The following ZEB1 variants were observed in gnomAD, a reference collection of about 807,000 sequenced individuals.
ZEB1 encodes zinc finger E-box-binding homeobox 1.
ZEB1 carries 21 observed loss-of-function variants against 84.9 expected under a neutral mutation model. The observed-to-expected ratio is 0.25, with a 90% CI of 0.18 to 0.36. The LOEUF is 0.36. ZEB1 is among the 10% of genes least tolerant of loss of function. The pLI, the probability that ZEB1 is intolerant of heterozygous loss-of-function variation, is 1.00. For missense variants in ZEB1, 1,104 were observed against 1,330.2 expected (o/e 0.83, Z 2.65); for synonymous variants, 420 against 471.1 (o/e 0.89, Z 1.41).
At chr10:31,369,490 C>CAT (rs1419370687) in intron 1 of ZEB1, among the ~76,000 whole-genome samples, 1 of 152,190 alleles carries the variant, frequency 6.6e-6, no homozygotes, top group African/African-American at 2.4e-5. Context: ...TTTCACTTAG[C>CAT]ATAATATCCT....
At chr10:31,356,352 G>GTGTATA (rs141826838) in intron 1 of ZEB1, among the ~76,000 whole-genome samples, 5 of 146,974 alleles carry the variant, frequency 3.4e-5, no homozygotes, top group African/African-American at 1.2e-4. Flanking sequence ...TATATGATGT[G>GTGTATA]TATATATATA....
chr10:31,360,921 T>A, intron 1 of ZEB1: 1 of 1,536,362 alleles, frequency 6.5e-7, no homozygotes, highest in Non-Finnish European at 8.9e-7. Flanking sequence ...ATGGATGCTC[T>A]AATAAATTGC....
chr10:31,464,277 C>T (rs551253668), intron 2 of ZEB1, among the ~76,000 whole-genome samples: 15 of 151,920 alleles, frequency 9.9e-5, no homozygotes, highest in Middle Eastern at 3.4e-3. Flanking sequence ...GGCGTGAACC[C>T]GGGAGGCAGA....
At chr10:31,369,113 T>C (rs2045191627) in intron 1 of ZEB1, among the ~76,000 whole-genome samples, 1 of 152,214 alleles carries the variant, frequency 6.6e-6, no homozygotes, top group Non-Finnish European at 1.5e-5. Flanking sequence ...CCAATCATAA[T>C]TGCATACATT....
At chr10:31,387,659 G>A (rs2048868392) in intron 1 of ZEB1, 2 of 734,016 alleles carry the variant, frequency 2.7e-6, no homozygotes, top group South Asian at 6.1e-5. Context: ...AGTTGATAGA[G>A]CCAGCTGTGA....
At chr10:31,526,348 G>A (rs977789486) in intron 8 of ZEB1, among the ~76,000 whole-genome samples, 2 of 152,120 alleles carry the variant, frequency 1.3e-5, no homozygotes, top group Non-Finnish European at 2.9e-5. Flanking sequence ...CACTGTGCTC[G>A]TTCACTACCA....
chr10:31,337,357 TA>T (rs1000256817), intron 1 of ZEB1, among the ~76,000 whole-genome samples: 7 of 150,946 alleles, frequency 4.6e-5, no homozygotes, highest in Admixed American at 1.3e-4. Context: ...AATGTGTGTT[TA>T]AAAAAAAACG....
intron 2 of ZEB1, among the ~76,000 whole-genome samples, chr10:31,484,195 C>G (rs779962027): frequency 3.9e-5 from 6 of 151,952 alleles, no homozygotes; most frequent in Non-Finnish European, 8.8e-5. Context: ...ACCTTGAGGT[C>G]CATAATTTTA....
At position 31,431,665 on chromosome 10, in the gene ZEB1, T is replaced by A. The variant is rs138382074; in HGVS notation, c.59-29372T>A. On this transcript the variant is annotated intron_variant, in intron 1 of 8. Coordinates refer to ENST00000424869, the MANE Select transcript of ZEB1 (RefSeq NM_001174096.2). ...GAAAATAAAATCCTCTGAACCTAGGTGCTACTAATTCACTCAAGATAAATT... is the reference window on the plus strand; with the variant it reads ...GAAAATAAAATCCTCTGAACCTAGGAGCTACTAATTCACTCAAGATAAATT... Among the ~76,000 whole-genome samples, 233 of 152,280 alleles carry A rather than the reference T, an allele frequency of 1.5e-3. 4 individuals carry two copies. In the East Asian group the frequency reaches 0.042, roughly 27 times the overall value.
At chr10:31,501,126 A>C (rs1362985181) in intron 3 of ZEB1, among the ~76,000 whole-genome samples, 1 of 152,146 alleles carries the variant, frequency 6.6e-6, no homozygotes, top group Admixed American at 6.5e-5. Context: ...ATTTGGCCAA[A>C]CTTCAGCCTG....
intron 1 of ZEB1, among the ~76,000 whole-genome samples, chr10:31,408,808 A>G (rs548104220): frequency 1.3e-5 from 2 of 150,382 alleles, no homozygotes; most frequent in East Asian, 3.9e-4. Flanking sequence ...GAAAACCTAG[A>G]CATTACCATT....
intron 1 of ZEB1, among the ~76,000 whole-genome samples, chr10:31,414,732 G>T (rs1243223377): frequency 6.6e-6 from 1 of 152,070 alleles, no homozygotes; most frequent in African/African-American, 2.4e-5. Context: ...GCATCATAGT[G>T]GACACTTCAT....
chr10:31,449,314 G>T (rs1391074872), intron 1 of ZEB1, among the ~76,000 whole-genome samples: 3 of 152,354 alleles, frequency 2.0e-5, no homozygotes, highest in Admixed American at 6.5e-5. Context: ...CTACTGTCTG[G>T]CACTCCCTAG....
intron 1 of ZEB1, among the ~76,000 whole-genome samples, chr10:31,395,018 A>C (rs147423399): frequency 3.9e-5 from 6 of 152,146 alleles, no homozygotes; most frequent in African/African-American, 7.2e-5. Context: ...ATTAAGTCCA[A>C]ATACTGGAGA....
At chr10:31,500,117 A>G (rs1217027249) in intron 3 of ZEB1, among the ~76,000 whole-genome samples, 1 of 152,082 alleles carries the variant, frequency 6.6e-6, no homozygotes, top group Non-Finnish European at 1.5e-5. Flanking sequence ...ATTTTATAAT[A>G]TAATTTGATA....
At chr10:31,458,835 T>C (rs1266079637) in intron 1 of ZEB1, among the ~76,000 whole-genome samples, 1 of 152,172 alleles carries the variant, frequency 6.6e-6, no homozygotes, top group Non-Finnish European at 1.5e-5. Flanking sequence ...TATATCTGTA[T>C]GATAGAATGC....
chr10:31,457,893 A>C (rs917301297), intron 1 of ZEB1, among the ~76,000 whole-genome samples: 2 of 152,198 alleles, frequency 1.3e-5, no homozygotes, highest in African/African-American at 4.8e-5. Flanking sequence ...TGTGCAATCC[A>C]AGGTCAACCA....
intron 1 of ZEB1, chr10:31,363,681 G>T: frequency 7.7e-7 from 1 of 1,293,732 alleles, no homozygotes; most frequent in Non-Finnish European, 1.1e-6. Flanking sequence ...TGAGACAAGG[G>T]ATCCTTACGG....
Position 31,502,334 on chromosome 10 carries a change from T to A in ZEB1, c.323-14T>A, listed in dbSNP as rs372177990. ...TGGTGAGATTGCTGTCTTAAAAGTA[T>A]GCATTTTTTTTAGTAAAAGATGATG... On this transcript the variant is annotated splice_polypyrimidine_tract_variant and intron_variant, in intron 3 of 8. Coordinates refer to ENST00000424869, the MANE Select transcript of ZEB1 (RefSeq NM_001174096.2). 3.6e-5 allele frequency: 58 copies of A among 1,613,272 alleles called. No individual in the cohort carries two copies. The African/African-American group carries it at 7.6e-4, about 21-fold the overall frequency.
Sources: allele counts gnomAD v4.1 joint callset (sites outside exome capture counted in the v4.1 genomes callset), GRCh38; gene constraint gnomAD v4.1.1; transcripts MANE v1.5; gene names NCBI Gene and HGNC (gene_info 2026-07-23, HGNC 2026-07-21).